Variants in IL1RL1 observed in about 807,000 individuals in gnomAD.
IL1RL1 encodes the protein interleukin 1 receptor like 1, also known as interleukin-1 receptor-like 1.
IL1RL1 carries 32 observed loss-of-function variants against 50.9 expected under a neutral mutation model. That is an observed-to-expected ratio of 0.63 (90% confidence interval 0.47 to 0.84). IL1RL1 has a LOEUF of 0.84. Among genes scored for constraint, IL1RL1 ranks in the 40% least tolerant of loss-of-function variants. IL1RL1 has a pLI of 0.00. For missense variants in IL1RL1, 773 were observed against 662.9 expected (o/e 1.17, Z -1.82); for synonymous variants, 275 against 236.0 (o/e 1.17, Z -1.51).
rs1282200998 is a variant in IL1RL1, at chr2:102,338,222, TCAA to T, written c.-38_-36del. On this transcript the variant is annotated 5_prime_UTR_variant, in exon 2 of 11. Coordinates refer to ENST00000233954, the MANE Select transcript of IL1RL1 (RefSeq NM_016232.5). ...TGCCAGTGACTCATCTGGAGTAATCTCAACAACGAGTTACCAATACTTGCTCTT... is the reference window on the plus strand; with the variant it reads ...TGCCAGTGACTCATCTGGAGTAATCTCAACGAGTTACCAATACTTGCTCTT... 1.4e-6 allele frequency: 2 copies of T among 1,401,842 alleles called. No individual in the cohort carries two copies. Among genetic ancestry groups the T allele is most frequent in the African/African-American group, 1.4e-5 (1 of 70,614 alleles). 86.8% of individuals were successfully genotyped at this position (1,401,842 alleles called of 1,614,324 possible). A position where few individuals can be genotyped will look rare whatever the true frequency, so the allele number is the denominator to read the frequency against.
rs1337846098 is a variant in IL1RL1 at position 102,343,299 on chromosome 2, T to C, written c.854T>C (p.Met285Thr). The change falls in exon 8 of 11, where the codon ATG becomes ACG. Residue 285 changes from methionine to threonine, a missense_variant. Physicochemically the swap from Met to Thr is moderately conservative, Grantham distance 81. Transcript: ENST00000233954. Reference protein sequence around the residue: ...SFSNGLACLDMVLRIADVKEE... With the variant: ...SFSNGLACLDTVLRIADVKEE... ...AGCAATGGGCTGGCTTGTCTAGACA[T>C]GGTTTTAAGAATAGCTGACGTGAAG... 9.3e-6 allele frequency: 15 copies of C among 1,614,218 alleles called. No individual in the cohort carries two copies. The highest frequency in any genetic ancestry group is 5.5e-5 in the South Asian group (5 of 91,088).
chr2:102,320,492 C>T (rs1436868681), intron 1 of IL1RL1, among the ~76,000 whole-genome samples: 1 of 152,142 alleles, frequency 6.6e-6, no homozygotes, highest in Non-Finnish European at 1.5e-5. Context: ...GTATCTCTAG[C>T]CCAATATGTC....
intron 1 of IL1RL1, among the ~76,000 whole-genome samples, chr2:102,314,649 C>G (rs1014905010): frequency 2.0e-5 from 3 of 152,210 alleles, no homozygotes; most frequent in African/African-American, 4.8e-5. Context: ...GGAACAAAGG[C>G]TTCCCTGTCA....
chr2:102,344,740 T>A (rs1677717014), intron 8 of IL1RL1: 1 of 935,272 alleles, frequency 1.1e-6, no homozygotes, highest in Non-Finnish European at 1.3e-6. Flanking sequence ...ATACCAAATG[T>A]TTTTTTTGTG....
intron 1 of IL1RL1, among the ~76,000 whole-genome samples, chr2:102,333,618 T>C (rs1487662635): frequency 1.3e-5 from 2 of 152,198 alleles, no homozygotes; most frequent in Non-Finnish European, 2.9e-5. Flanking sequence ...TTTTAAATTT[T>C]AGATTCTAAG....
At chr2:102,335,890 C>T (rs1677306603) in intron 1 of IL1RL1, among the ~76,000 whole-genome samples, 1 of 152,152 alleles carries the variant, frequency 6.6e-6, no homozygotes, top group South Asian at 2.1e-4. Flanking sequence ...CAATAATATC[C>T]TGATAAAACG....
At chr2:102,336,965 G>A (rs1472831518) in intron 1 of IL1RL1, among the ~76,000 whole-genome samples, 1 of 152,200 alleles carries the variant, frequency 6.6e-6, no homozygotes. Context: ...GGTCCCCGAT[G>A]TCAAGACCAT....
intron 1 of IL1RL1, chr2:102,312,815 G>C (rs563083321): frequency 6.6e-5 from 10 of 152,178 alleles, no homozygotes; most frequent in Middle Eastern, 3.4e-3. Context: ...CTCTCTGAAG[G>C]CTACTTCAAC....
rs1308031798 is a variant in IL1RL1, at chr2:102,338,103, A to G, written c.-149-13A>G. 2.2e-6 allele frequency: 1 copy of G among 452,804 alleles called. No homozygotes were observed. The highest frequency in any genetic ancestry group is 4.0e-6 in the Non-Finnish European group (1 of 247,256). 28.0% of individuals were successfully genotyped at this position (452,804 alleles called of 1,614,324 possible). A position where few individuals can be genotyped will look rare whatever the true frequency, so the allele number is the denominator to read the frequency against. On this transcript the variant is annotated splice_polypyrimidine_tract_variant and intron_variant, in intron 1 of 10. Coordinates refer to ENST00000233954, the MANE Select transcript of IL1RL1 (RefSeq NM_016232.5). ...AAAATTCTGTTTATGGTTTTGTCTAACTTATTTTTCAGTTGAGATATAGGC... is the reference window on the plus strand; with the variant it reads ...AAAATTCTGTTTATGGTTTTGTCTAGCTTATTTTTCAGTTGAGATATAGGC...
Position 102,340,710 on chromosome 2 carries a change from AT to A in IL1RL1, c.497del (p.Leu166TrpfsTer6). The stretch of plus-strand genomic sequence containing the variant: ...GATCAAGGTACAGGGCGCACAAGTC[AT>A]TTTTGGTCATTGATAATGTGATGAC... ...QGSRYRAHKSFLVIDNVMTED... is the reference protein window; with the variant it reads ...QGSRYRAHKSXLVIDNVMTED... On this transcript the variant is annotated frameshift_variant, in exon 5 of 11. Transcript: ENST00000233954. LOFTEE classifies it high-confidence loss of function. 2 of 1,600,910 alleles carry A rather than the reference AT, an allele frequency of 1.2e-6. No homozygotes were observed. The highest frequency in any genetic ancestry group is 2.3e-5 in the East Asian group (1 of 44,268).
Position 102,343,431 on chromosome 2 carries a change from G to C in IL1RL1, c.970+16G>C, listed in dbSNP as rs1181928090. On this transcript the variant is annotated intron_variant, in intron 8 of 10. Transcript: ENST00000233954. ...AAAAATCCAAGTAAGGAGTGTTTCTGAGACTTTGATCACCTGAACTTTCTC... is the reference window on the plus strand; with the variant it reads ...AAAAATCCAAGTAAGGAGTGTTTCTCAGACTTTGATCACCTGAACTTTCTC... 3 of 1,614,096 alleles carry C rather than the reference G, an allele frequency of 1.9e-6. No homozygotes were observed. In the African/African-American group the frequency reaches 4.0e-5, roughly 22 times the overall value.
At chr2:102,343,681 A>C (rs1201112334) in intron 8 of IL1RL1, 2 of 1,370,928 alleles carry the variant, frequency 1.5e-6, no homozygotes, top group East Asian at 5.5e-5. Flanking sequence ...TTCTTTGGTC[A>C]TCCTTGTTTT....
intron 1 of IL1RL1, among the ~76,000 whole-genome samples, chr2:102,333,719 T>G (rs1226510572): frequency 6.6e-6 from 1 of 152,114 alleles, no homozygotes; most frequent in East Asian, 1.9e-4. Flanking sequence ...AGTAGGTAAT[T>G]TTTCATTCAT....
intron 1 of IL1RL1, among the ~76,000 whole-genome samples, chr2:102,315,165 C>G (rs1676640341): frequency 6.6e-6 from 1 of 152,112 alleles, no homozygotes. Flanking sequence ...GGCCTCTGCC[C>G]TCTCAGCCCC....
chr2:102,322,842 T>C (rs999053708), intron 1 of IL1RL1, among the ~76,000 whole-genome samples: 3 of 152,166 alleles, frequency 2.0e-5, no homozygotes, highest in African/African-American at 7.2e-5. Flanking sequence ...GTTTCCAGCA[T>C]GATAGATTAT....
intron 10 of IL1RL1, 115 bp downstream of exon 10, chr2:102,349,361 G>A (rs1052455536): frequency 4.6e-5 from 35 of 758,716 alleles, no homozygotes; most frequent in Non-Finnish European, 6.5e-5. Flanking sequence ...CAGGCCTTAA[G>A]ACCAGAACTT....
At chr2:102,316,539 A>T (rs1353284074) in intron 1 of IL1RL1, among the ~76,000 whole-genome samples, 1 of 152,218 alleles carries the variant, frequency 6.6e-6, no homozygotes, top group Non-Finnish European at 1.5e-5. Flanking sequence ...GGAGCATTTC[A>T]TCTTGCAGCA....
intron 6 of IL1RL1, among the ~76,000 whole-genome samples, chr2:102,342,741 G>T (rs1677619178): frequency 6.6e-6 from 1 of 152,140 alleles, no homozygotes; most frequent in Admixed American, 6.6e-5. Context: ...CCTTTTACTA[G>T]AAATCCTTTG....
intron 8 of IL1RL1, chr2:102,343,630 C>A (rs1285033866): frequency 1.4e-6 from 2 of 1,435,620 alleles, no homozygotes; most frequent in East Asian, 5.0e-5. Context: ...CGTCCTCCCC[C>A]ACTCCCTCCT....
Sources: gnomAD v4.1 joint callset for allele counts (sites outside exome capture counted in the v4.1 genomes callset) on GRCh38, gnomAD v4.1.1 for gene constraint, MANE v1.5 for transcripts, NCBI Gene and HGNC (gene_info 2026-07-23, HGNC 2026-07-21) for gene names.